Variants in FDFT1 observed in about 807,000 individuals in gnomAD.
FDFT1 encodes squalene synthase.
A neutral mutation model predicts 46.8 loss-of-function variants in FDFT1; 68 were observed. The observed-to-expected ratio is 1.45, with a 90% confidence interval of 1.19 to 1.78. The LOEUF (loss-of-function observed/expected upper bound fraction) is 1.78, where lower values mean the gene tolerates loss of function less well. Ranked by LOEUF, FDFT1 falls within the 40% of genes most tolerant of loss-of-function variation. FDFT1 has a pLI of 0.00. For missense variants in FDFT1, 928 were observed against 524.4 expected (o/e 1.77, Z -7.52); for synonymous variants, 351 against 185.1 (o/e 1.90, Z -7.28).
intron 5 of FDFT1, among the ~76,000 whole-genome samples, chr8:11,828,857 G>T (rs1186519882): frequency 1.3e-5 from 2 of 152,074 alleles, no homozygotes; most frequent in Non-Finnish European, 2.9e-5. Context: ...CCTTTTTATC[G>T]CCTAGTATTA....
chr8:11,820,983 C>T (rs982865152), intron 3 of FDFT1, among the ~76,000 whole-genome samples: 1 of 152,212 alleles, frequency 6.6e-6, no homozygotes, highest in Non-Finnish European at 1.5e-5. Context: ...CAGAGCTGTT[C>T]CTACTGGGAC....
At chr8:11,808,087 AG>A (rs1213716299) in intron 1 of FDFT1, 1 of 202,550 alleles carries the variant, frequency 4.9e-6, no homozygotes, top group Middle Eastern at 2.3e-3. Context: ...TCGGCTGTCT[AG>A]GGTGATCAGA....
At chr8:11,808,993 TCG>T in intron 2 of FDFT1, 102 bp downstream of exon 2, 1 of 1,504,300 alleles carries the variant, frequency 6.6e-7, no homozygotes, top group East Asian at 2.5e-5. Flanking sequence ...CGTTGCAGCC[TCG>T]TTGCTGTGGC....
At chr8:11,822,762 G>C (rs950321644) in intron 4 of FDFT1, among the ~76,000 whole-genome samples, 4 of 152,166 alleles carry the variant, frequency 2.6e-5, no homozygotes, top group Non-Finnish European at 5.9e-5. Flanking sequence ...GTTGCAGTGA[G>C]CCATGATTGT....
Position 11,838,572 on chromosome 8 carries a change from A to G in FDFT1, c.1217A>G (p.Gln406Arg), listed in dbSNP as rs769935220. ...TGGCAGTACCTGACCACTCTCTCCC[A>G]GGTAACAGAAGACTATGTTCAGACT... ...LSWQYLTTLS[Q>R]VTEDYVQTGE... The change falls in exon 8 of 8, where the codon CAG (glutamine) becomes CGG (arginine). Residue 406 changes from glutamine (Q) to arginine (R), a missense_variant. Coordinates refer to ENST00000220584, the MANE Select transcript of FDFT1 (RefSeq NM_004462.5). The G allele has an allele frequency of 6.2e-7, 1 of 1,613,962 alleles. No homozygotes were observed. Among genetic ancestry groups the G allele is most frequent in the Non-Finnish European group, 8.5e-7 (1 of 1,179,956 alleles).
Position 11,832,551 on chromosome 8 carries a change from CAAAAAAAAAA to C in FDFT1, c.1032+897_1032+906del, listed in dbSNP as rs531759815. ...TGGGTGATAGAGTGAGACTTTGTCT[CAAAAAAAAAA>C]AAAAAAAAAAAAAAAGTCTTAGAGA... On this transcript the variant is annotated intron_variant, in intron 7 of 7. Coordinates refer to ENST00000220584, the MANE Select transcript of FDFT1 (RefSeq NM_004462.5). Among the ~76,000 whole-genome samples the C allele has an allele frequency of 2.5e-4, 9 of 36,376 alleles. No individual in the cohort carries two copies. The East Asian group carries it at 3.6e-3, about 14-fold the overall frequency. The allele number at this position is 36,376 out of a possible 152,430, so 23.9% of individuals were successfully genotyped here.
At chr8:11,819,602 G>T (rs1049070538) in intron 3 of FDFT1, among the ~76,000 whole-genome samples, 2 of 150,914 alleles carry the variant, frequency 1.3e-5, no homozygotes, top group Non-Finnish European at 2.9e-5. Context: ...TTTGATCTTC[G>T]ATCACTGATA....
rs1043078248 is a variant in FDFT1, at chr8:11,821,644, G to T, written c.382-106G>T. 4.0e-5 allele frequency: 53 copies of T among 1,311,614 alleles called. No homozygotes were observed. The African/African-American group carries it at 7.6e-4, about 19-fold the overall frequency. 81.2% of individuals were successfully genotyped at this position (1,311,614 alleles called of 1,614,324 possible). A position where few individuals can be genotyped will look rare whatever the true frequency, so the allele number is the denominator to read the frequency against. ...TGTGACCTAAATTAGGCTTATAGAT[G>T]AACCATTGCAGTCATGATTAATTCC... On this transcript the variant is annotated intron_variant, in intron 3 of 7. Transcript: ENST00000220584.
intron 5 of FDFT1, among the ~76,000 whole-genome samples, chr8:11,827,181 A>G (rs949403689): frequency 6.6e-6 from 1 of 152,098 alleles, no homozygotes; most frequent in South Asian, 2.1e-4. Flanking sequence ...TAAAGTTTTA[A>G]AAAGACGGGT....
intron 3 of FDFT1, among the ~76,000 whole-genome samples, chr8:11,816,908 A>G (rs1353998991): frequency 6.6e-6 from 1 of 152,152 alleles, no homozygotes; most frequent in Non-Finnish European, 1.5e-5. Flanking sequence ...TACTGTGTTG[A>G]ATAGGAGTGG....
At chr8:11,825,983 A>G in intron 4 of FDFT1, 41 bp from the exon 5 acceptor site, 1 of 1,435,756 alleles carries the variant, frequency 7.0e-7, no homozygotes, top group African/African-American at 1.4e-5. Context: ...ATTTCAGTAA[A>G]AATTCCATTA....
intron 3 of FDFT1, among the ~76,000 whole-genome samples, chr8:11,810,933 TAAAAAAA>T (rs71539744): frequency 2.7e-4 from 24 of 89,422 alleles, no homozygotes; most frequent in Middle Eastern, 8.8e-3. Context: ...GAGCAATATT[TAAAAAAA>T]AAAAAAAAAA....
In FDFT1 at chr8:11,803,048, C is replaced by T. The variant is rs1198913017; in HGVS notation, c.99+117C>T. ...GGGGCGCGGCGAGCAGGGCCGACGCCTGGGTGTTCCCGTCCCCCTTTCCTC... is the reference window on the plus strand; with the variant it reads ...GGGGCGCGGCGAGCAGGGCCGACGCTTGGGTGTTCCCGTCCCCCTTTCCTC... On this transcript the variant is annotated intron_variant, in intron 1 of 7. Transcript: ENST00000220584. 3.4e-6 allele frequency: 5 copies of T among 1,467,650 alleles called. No homozygotes were observed. In the East Asian group the frequency reaches 1.3e-4, roughly 37 times the overall value. 90.9% of individuals were successfully genotyped at this position (1,467,650 alleles called of 1,614,324 possible). A position where few individuals can be genotyped will look rare whatever the true frequency, so the allele number is the denominator to read the frequency against.
At chr8:11,812,745 G>A (rs932944691) in intron 3 of FDFT1, among the ~76,000 whole-genome samples, 2 of 152,142 alleles carry the variant, frequency 1.3e-5, no homozygotes, top group Non-Finnish European at 2.9e-5. Context: ...CCTCAATACA[G>A]TGTTCTAACC....
chr8:11,833,915 A>G (rs1389575076), intron 7 of FDFT1, among the ~76,000 whole-genome samples: 1 of 152,246 alleles, frequency 6.6e-6, no homozygotes, highest in Non-Finnish European at 1.5e-5. Flanking sequence ...GAAATCTTTG[A>G]AGATTTCTAA....
chr8:11,797,819 C>G (rs1159760009), upstream of FDFT1: 1 of 152,186 alleles, frequency 6.6e-6, no homozygotes, highest in Non-Finnish European at 1.5e-5. Context: ...AGGTGAATTG[C>G]TTGGGCCAAG....
chr8:11,833,758 C>G (rs1811181319), intron 7 of FDFT1, among the ~76,000 whole-genome samples: 1 of 152,296 alleles, frequency 6.6e-6, no homozygotes, highest in South Asian at 2.1e-4. Context: ...CAGGCGATGA[C>G]TTGTAAAGCT....
At chr8:11,809,064 T>G (rs1267265803) in intron 2 of FDFT1, 173 bp downstream of exon 2, 2 of 1,330,898 alleles carry the variant, frequency 1.5e-6, no homozygotes, top group Non-Finnish European at 2.0e-6. Context: ...CCAGGCTCTT[T>G]GCCATCTAGT....
intron 1 of FDFT1, chr8:11,808,572 G>T: frequency 7.2e-7 from 1 of 1,384,934 alleles, no homozygotes; most frequent in South Asian, 1.6e-5. Context: ...GCGCACCTTG[G>T]TGCTGAGTCC....
Sources: allele counts gnomAD v4.1 joint callset (sites outside exome capture counted in the v4.1 genomes callset), GRCh38; gene constraint gnomAD v4.1.1; transcripts MANE v1.5; gene names NCBI Gene and HGNC (gene_info 2026-07-23, HGNC 2026-07-21).